The following NR5A1 variants were observed in gnomAD, a reference collection of about 807,000 sequenced individuals.
NR5A1 encodes nuclear receptor subfamily 5 group A member 1, also known as steroidogenic factor 1.
In NR5A1, 6 loss-of-function variants were observed where a neutral mutation model predicts 42.7. The ratio of observed to expected loss-of-function variants is 0.14; its 90% CI spans 0.08 to 0.28. The LOEUF (loss-of-function observed/expected upper bound fraction) is 0.28, where lower values mean the gene tolerates loss of function less well. NR5A1 is among the 10% of genes least tolerant of loss of function. The pLI is 1.00. For synonymous variants in NR5A1, 274 were observed against 277.5 expected (o/e 0.99, Z 0.12); for missense variants, 442 against 626.4 (o/e 0.71, Z 3.14).
intron 4 of NR5A1, among the ~76,000 whole-genome samples, chr9:124,493,858 GT>G (rs959343627): frequency 5.3e-5 from 8 of 152,224 alleles, no homozygotes; most frequent in Non-Finnish European, 8.8e-5. Flanking sequence ...GCCAGCCCCT[GT>G]TTGGAGTGTC....
intron 6 of NR5A1, among the ~76,000 whole-genome samples, chr9:124,488,062 G>A (rs4838191): frequency 0.57 from 80,948 of 142,898 alleles, 23,610 homozygotes; most frequent in African/African-American, 0.72. Context: ...CCCCACCCCT[G>A]CAGCCACACA....
chr9:124,492,856 C>A (rs941400259), intron 5 of NR5A1, among the ~76,000 whole-genome samples, 174 bp downstream of exon 5: 2 of 152,222 alleles, frequency 1.3e-5, no homozygotes, highest in Non-Finnish European at 2.9e-5. Context: ...GCCAGGGCTG[C>A]TCACAGAGGG....
At chr9:124,490,073 C>G (rs1832281579) in intron 6 of NR5A1, among the ~76,000 whole-genome samples, 1 of 152,196 alleles carries the variant, frequency 6.6e-6, no homozygotes, top group Non-Finnish European at 1.5e-5. Context: ...TAATCCTGCC[C>G]CCTCTCCAGG....
chr9:124,504,772 C>A (rs1832526085), intron 1 of NR5A1, among the ~76,000 whole-genome samples: 1 of 146,232 alleles, frequency 6.8e-6, no homozygotes. Flanking sequence ...GGAGCCGCAC[C>A]CGGGCGCAGC....
intron 4 of NR5A1, among the ~76,000 whole-genome samples, chr9:124,494,473 C>T (rs1482685280): frequency 1.3e-5 from 2 of 152,234 alleles, no homozygotes; most frequent in Non-Finnish European, 2.9e-5. Context: ...AGGCCCTCTC[C>T]ACCCTCTGGA....
chr9:124,491,036 C>CCCCCCACAGGGG, intron 6 of NR5A1, 45 bp downstream of exon 6: 2 of 1,401,602 alleles, frequency 1.4e-6, no homozygotes, highest in Non-Finnish European at 1.9e-6. Context: ...CCCACCCACC[C>CCCCCCACAGGGG]GCCTCTGGCT....
chr9:124,504,037 A>AC (rs1474816822), intron 1 of NR5A1, among the ~76,000 whole-genome samples: 1 of 133,324 alleles, frequency 7.5e-6, no homozygotes, highest in African/African-American at 4.0e-5. Flanking sequence ...AGAGAGAGAG[A>AC]GAGAGAGAGA....
At position 124,482,243 on chromosome 9, in the gene NR5A1, T is replaced by A. The variant is rs1237187763; in HGVS notation, c.*515A>T. ...AATAGCCCCTCTCAATTTAGCAAAC[T>A]CGGTTATCCTTAGTTTACAAAACAG... On this transcript the variant is annotated 3_prime_UTR_variant, in exon 7 of 7. Transcript: ENST00000373588. The A allele has an allele frequency of 4.9e-6, 1 of 203,496 alleles. No homozygotes were observed. Among genetic ancestry groups the A allele is most frequent in the Non-Finnish European group, 1.0e-5 (1 of 99,250 alleles). 12.6% of individuals were successfully genotyped at this position (203,496 alleles called of 1,614,324 possible). A position where few individuals can be genotyped will look rare whatever the true frequency, so the allele number is the denominator to read the frequency against.
chr9:124,482,950 G>T lies in NR5A1; in HGVS notation c.1194C>A (p.Asn398Lys). The change falls in exon 7 of 7, where the codon AAC becomes AAA. Residue 398 changes from asparagine to lysine, a missense_variant. By Grantham distance (94) the Asn-to-Lys change is moderately conservative. Around this residue, in one of 3 missense-constraint regions of NR5A1, gnomAD observed 163 missense variants for 265.8 expected, o/e 0.61. Coordinates refer to ENST00000373588, the MANE Select transcript of NR5A1 (RefSeq NM_004959.5). ...ACAGGGTGTAGTCAAGCAGGGCGGCGTTGGCCTTCTCCTGAGCGTCTTTCA... is the reference window on the plus strand; with the variant it reads ...ACAGGGTGTAGTCAAGCAGGGCGGCTTTGGCCTTCTCCTGAGCGTCTTTCA... ...ILVKDAQEKA[N>K]AALLDYTLCH... 2 of 1,614,130 alleles carry T rather than the reference G, an allele frequency of 1.2e-6. No individual in the cohort carries two copies. Among genetic ancestry groups the T allele is most frequent in the East Asian group, 2.2e-5 (1 of 44,876 alleles).
intron 6 of NR5A1, among the ~76,000 whole-genome samples, chr9:124,484,899 TG>T (rs1832185202): frequency 6.6e-6 from 1 of 152,198 alleles, no homozygotes; most frequent in Non-Finnish European, 1.5e-5. Context: ...TGGCTCTGCG[TG>T]CACCAATGAT....
At chr9:124,489,620 G>A (rs369375044) in intron 6 of NR5A1, among the ~76,000 whole-genome samples, 37 of 152,260 alleles carry the variant, frequency 2.4e-4, no homozygotes, top group African/African-American at 7.5e-4. Context: ...GGCAGGCTGC[G>A]GGGAAGGTGC....
intron 6 of NR5A1, 65 bp downstream of exon 6, chr9:124,491,016 C>CGGG: frequency 3.5e-5 from 20 of 564,588 alleles, no homozygotes; most frequent in Non-Finnish European, 6.3e-5. Context: ...TCTCCAGCCT[C>CGGG]ACCCACCCTC....
intron 4 of NR5A1, among the ~76,000 whole-genome samples, chr9:124,499,177 A>G (rs1270225784): frequency 1.3e-5 from 2 of 152,106 alleles, no homozygotes; most frequent in African/African-American, 4.8e-5. Context: ...AGGGGCCTCT[A>G]GGGAGGTCTC....
Position 124,503,478 on chromosome 9 carries a change from C to T in NR5A1, c.-15-68G>A. ...CAGCCTGGGGTCCCCGCGGCCGCCGCCCCAGCCGCTGTCGCCGGCCCGTCG... is the reference window on the plus strand; with the variant it reads ...CAGCCTGGGGTCCCCGCGGCCGCCGTCCCAGCCGCTGTCGCCGGCCCGTCG... On this transcript the variant is annotated intron_variant, in intron 1 of 6. Transcript: ENST00000373588. This position sits in a 1 kb window ranked among gnomAD's most constrained non-coding sequence, Gnocchi z 9.6. The T allele has an allele frequency of 1.5e-6, 2 of 1,330,108 alleles. No homozygotes were observed. The highest frequency in any genetic ancestry group is 2.4e-5 in the Admixed American group (1 of 42,300). The allele number at this position is 1,330,108 out of a possible 1,614,324, so 82.4% of individuals were successfully genotyped here. A position where few individuals can be genotyped will look rare whatever the true frequency, so the allele number is the denominator to read the frequency against.
Position 124,503,710 on chromosome 9 carries a change from C to T in NR5A1, c.-15-300G>A, listed in dbSNP as rs1832504353. Among the ~76,000 whole-genome samples, 1 of 152,222 alleles carries T rather than the reference C, an allele frequency of 6.6e-6. No individual in the cohort carries two copies. Among genetic ancestry groups the T allele is most frequent in the African/African-American group, 2.4e-5 (1 of 41,474 alleles). On this transcript the variant is annotated intron_variant, in intron 1 of 6. Transcript: ENST00000373588. This position sits in a 1 kb window ranked among gnomAD's most constrained non-coding sequence, Gnocchi z 9.6. ...GGTTCGATGCGCTTCGATTGGGATT[C>T]GTTTGTCTGAGAACAAAACCCCGAT...
At position 124,496,240 on chromosome 9, in the gene NR5A1, C is replaced by A. The variant is rs1040840162; in HGVS notation, c.871-3091G>T. Among the ~76,000 whole-genome samples the A allele has an allele frequency of 6.6e-6, 1 of 152,060 alleles. No homozygotes were observed. Among genetic ancestry groups the A allele is most frequent in the South Asian group, 2.1e-4 (1 of 4,814 alleles). On this transcript the variant is annotated intron_variant, in intron 4 of 6. Coordinates refer to ENST00000373588, the MANE Select transcript of NR5A1 (RefSeq NM_004959.5). The surrounding 1 kb of genome is among the most constrained non-coding windows in gnomAD (Gnocchi z 5.0). ...TTTTATTTAAAAGAAAACCACAGGG[C>A]CATAGCTGCCAGCCCCCCTGCATGA...
intron 3 of NR5A1, among the ~76,000 whole-genome samples, chr9:124,502,433 G>C (rs1488337787): frequency 1.3e-5 from 2 of 152,052 alleles, no homozygotes; most frequent in African/African-American, 4.8e-5. Flanking sequence ...AGGCTCAAGT[G>C]ATCCCCCCAC....
Position 124,481,724 on chromosome 9 carries a change from G to A in NR5A1, c.*1034C>T, listed in dbSNP as rs746601202. On this transcript the variant is annotated 3_prime_UTR_variant, in exon 7 of 7. Coordinates refer to ENST00000373588, the MANE Select transcript of NR5A1 (RefSeq NM_004959.5). Reference sequence around the variant, plus strand: ...CCACAGAGACCTGAAGCCCCCAACAGGGCATCCTGCTGTTCACCTAGTGGG... The same window carrying A: ...CCACAGAGACCTGAAGCCCCCAACAAGGCATCCTGCTGTTCACCTAGTGGG... 6.6e-6 allele frequency: 1 copy of A among 152,210 alleles called. No individual in the cohort carries two copies. Among genetic ancestry groups the A allele is most frequent in the Non-Finnish European group, 1.5e-5 (1 of 68,060 alleles). The allele number at this position is 152,210 out of a possible 1,614,324, so 9.4% of individuals were successfully genotyped here. A position where few individuals can be genotyped will look rare whatever the true frequency, so the allele number is the denominator to read the frequency against.
At chr9:124,497,971 C>T (rs1832410919) in intron 4 of NR5A1, among the ~76,000 whole-genome samples, 1 of 152,186 alleles carries the variant, frequency 6.6e-6, no homozygotes, top group Non-Finnish European at 1.5e-5. Flanking sequence ...GCACCTCGCA[C>T]TGGCATTATC....
Sources: allele counts gnomAD v4.1 joint callset (sites outside exome capture counted in the v4.1 genomes callset), GRCh38; gene constraint gnomAD v4.1.1; regional missense constraint gnomAD v4.1.1; non-coding constraint Gnocchi (gnomAD v3.1); transcripts MANE v1.5; gene names NCBI Gene and HGNC (gene_info 2026-07-23, HGNC 2026-07-21).